Variants in PCDH9 observed in about 807,000 individuals in gnomAD.
PCDH9 encodes protocadherin-9.
In PCDH9, 24 loss-of-function variants were observed where a neutral mutation model predicts 70.6. That is an observed-to-expected ratio of 0.34 (90% CI 0.25 to 0.48). The LOEUF (loss-of-function observed/expected upper bound fraction) is 0.48, where lower values mean the gene tolerates loss of function less well. PCDH9 is among the 20% of genes least tolerant of loss of function. The pLI, the probability that PCDH9 is intolerant of heterozygous loss-of-function variation, is 0.99. For missense variants in PCDH9, 1,281 were observed against 1,503.6 expected (o/e 0.85, Z 2.45); for synonymous variants, 562 against 558.5 (o/e 1.01, Z -0.09).
At position 66,903,500 on chromosome 13, in the gene PCDH9, A is replaced by G. The variant is rs2082310166; in HGVS notation, c.3138+4T>C. 2 of 1,313,654 alleles carry G rather than the reference A, an allele frequency of 1.5e-6. No individual in the cohort carries two copies. Among genetic ancestry groups the G allele is most frequent in the Non-Finnish European group, 2.2e-6 (2 of 909,302 alleles). The allele number at this position is 1,313,654 out of a possible 1,614,324, so 81.4% of individuals were successfully genotyped here. Reference sequence around the variant, plus strand: ...AACATGTTCTCTATAGATATATGGCATACCTCGTAATGGCTTTCTTCATTC... The same window carrying G: ...AACATGTTCTCTATAGATATATGGCGTACCTCGTAATGGCTTTCTTCATTC... On this transcript the variant is annotated splice_donor_region_variant and intron_variant, in intron 3 of 4. Transcript: ENST00000377865.
At chr13:66,737,897 AAGG>A (rs2079180872) in intron 3 of PCDH9, among the ~76,000 whole-genome samples, 1 of 149,932 alleles carries the variant, frequency 6.7e-6, no homozygotes, top group Admixed American at 6.6e-5. Flanking sequence ...ATCAAACTGC[AAGG>A]CGGCAGCGAG....
chr13:66,699,261 A>G (rs1415415826), intron 3 of PCDH9, among the ~76,000 whole-genome samples: 1 of 152,044 alleles, frequency 6.6e-6, no homozygotes, highest in African/African-American at 2.4e-5. Flanking sequence ...ACAGGAAATA[A>G]TTGTTTGAGA....
At chr13:66,366,644 G>A (rs1370269728) in intron 4 of PCDH9, among the ~76,000 whole-genome samples, 1 of 151,944 alleles carries the variant, frequency 6.6e-6, no homozygotes, top group Non-Finnish European at 1.5e-5. Flanking sequence ...CTAAGATAGA[G>A]GGAAGTGAAG....
At chr13:66,692,844 C>T (rs552525604) in intron 3 of PCDH9, among the ~76,000 whole-genome samples, 1 of 152,100 alleles carries the variant, frequency 6.6e-6, no homozygotes, top group Non-Finnish European at 1.5e-5. Context: ...TATCACCAGA[C>T]AGTTAATAAC....
At chr13:67,161,164 T>A (rs1039131628) in intron 2 of PCDH9, among the ~76,000 whole-genome samples, 9 of 152,030 alleles carry the variant, frequency 5.9e-5, no homozygotes, top group Non-Finnish European at 1.3e-4. Context: ...GCAGAATGAG[T>A]CAAAATAGTT....
At chr13:66,506,475 A>G (rs1196432428) in intron 4 of PCDH9, among the ~76,000 whole-genome samples, 1 of 152,220 alleles carries the variant, frequency 6.6e-6, no homozygotes, top group East Asian at 1.9e-4. Context: ...GAAAATGCTC[A>G]TGGATCATAA....
chr13:67,092,885 G>T (rs1217272638), intron 2 of PCDH9, among the ~76,000 whole-genome samples: 2 of 151,878 alleles, frequency 1.3e-5, no homozygotes, highest in Admixed American at 1.3e-4. Context: ...GGCCCAGCCA[G>T]CCATCAGATT....
At chr13:67,164,530 T>C (rs1287053881) in intron 2 of PCDH9, among the ~76,000 whole-genome samples, 3 of 148,926 alleles carry the variant, frequency 2.0e-5, no homozygotes, top group Non-Finnish European at 3.0e-5. Flanking sequence ...GCTGATAGCA[T>C]GCCACTGCAC....
chr13:66,324,812 A>G (rs886184637), intron 4 of PCDH9, among the ~76,000 whole-genome samples: 2 of 152,006 alleles, frequency 1.3e-5, no homozygotes, highest in Non-Finnish European at 2.9e-5. Flanking sequence ...GATTAATATA[A>G]TTCACCAAGT....
At chr13:66,516,959 AATCAG>A (rs1959765690) in intron 4 of PCDH9, among the ~76,000 whole-genome samples, 1 of 152,130 alleles carries the variant, frequency 6.6e-6, no homozygotes, top group East Asian at 1.9e-4. Context: ...AACTTCTGCA[AATCAG>A]ATCTAATAAC....
chr13:67,076,627 G>A (rs147323892), intron 2 of PCDH9, among the ~76,000 whole-genome samples: 2 of 152,226 alleles, frequency 1.3e-5, no homozygotes, highest in Non-Finnish European at 2.9e-5. Flanking sequence ...GCTAAACTAT[G>A]AGGAAGGGAA....
intron 2 of PCDH9, among the ~76,000 whole-genome samples, chr13:67,042,971 C>A (rs181010174): frequency 1.9e-4 from 29 of 151,842 alleles, no homozygotes; most frequent in African/African-American, 6.5e-4. Context: ...AGAGGGATTG[C>A]ATAGAAGGAG....
At chr13:66,792,627 C>A (rs1388625278) in intron 3 of PCDH9, among the ~76,000 whole-genome samples, 2 of 152,140 alleles carry the variant, frequency 1.3e-5, no homozygotes, top group African/African-American at 4.8e-5. Context: ...CAAGATGGTG[C>A]CATTGCACTC....
chr13:66,814,579 CTT>C (rs1214448178), intron 3 of PCDH9, among the ~76,000 whole-genome samples: 2 of 152,052 alleles, frequency 1.3e-5, no homozygotes, highest in African/African-American at 4.8e-5. Context: ...ACACAAAAAA[CTT>C]AACGTTTATC....
intron 4 of PCDH9, among the ~76,000 whole-genome samples, chr13:66,623,127 A>C (rs969344740): frequency 1.3e-5 from 2 of 152,226 alleles, no homozygotes; most frequent in African/African-American, 4.8e-5. Flanking sequence ...AAGAACTGTA[A>C]CACTCACCGC....
chr13:66,822,006 T>C (rs927881003), intron 3 of PCDH9, among the ~76,000 whole-genome samples: 2 of 152,156 alleles, frequency 1.3e-5, no homozygotes, highest in African/African-American at 4.8e-5. Context: ...ATTATTGAAT[T>C]TGATGCCTCA....
At chr13:66,433,613 T>G (rs1485326993) in intron 4 of PCDH9, among the ~76,000 whole-genome samples, 2 of 151,778 alleles carry the variant, frequency 1.3e-5, no homozygotes, top group Non-Finnish European at 3.0e-5. Flanking sequence ...TGATTTATAG[T>G]AGTTGAAGAG....
intron 3 of PCDH9, among the ~76,000 whole-genome samples, chr13:66,747,594 G>A (rs9529127): frequency 0.49 from 74,636 of 151,874 alleles, 20,416 homozygotes; most frequent in Non-Finnish European, 0.63. Flanking sequence ...TTATTAGGTG[G>A]TGCTTTTTTC....
intron 2 of PCDH9, among the ~76,000 whole-genome samples, chr13:67,066,447 T>C (rs576262164): frequency 1.4e-4 from 21 of 152,272 alleles, no homozygotes; most frequent in African/African-American, 5.1e-4. Flanking sequence ...TTAGCCAAGT[T>C]GGTCTCAAAC....
Sources: gnomAD v4.1 joint callset for allele counts (sites outside exome capture counted in the v4.1 genomes callset) on GRCh38, gnomAD v4.1.1 for gene constraint, MANE v1.5 for transcripts, NCBI Gene and HGNC (gene_info 2026-07-23, HGNC 2026-07-21) for gene names.